The following PRKCE variants were observed in gnomAD, a reference collection of about 807,000 sequenced individuals.
PRKCE encodes protein kinase C epsilon type.
PRKCE carries 16 observed loss-of-function variants against 85.4 expected under a neutral mutation model. The observed-to-expected ratio is 0.19, with a 90% CI of 0.13 to 0.28. The LOEUF (loss-of-function observed/expected upper bound fraction) is 0.28. Ranked by LOEUF, PRKCE falls within the 10% of genes least tolerant of loss-of-function variation. The pLI is 1.00. For missense variants in PRKCE, 573 were observed against 975.2 expected, an observed-to-expected ratio of 0.59 and a Z score of 5.49; for synonymous variants, 388 against 371.5, an observed-to-expected ratio of 1.04 and a Z score of -0.51.
At chr2:46,016,432 C>A (rs1706153628) in intron 10 of PRKCE, among the ~76,000 whole-genome samples, 1 of 152,110 alleles carries the variant, frequency 6.6e-6, no homozygotes. Flanking sequence ...CAACTTCACC[C>A]AGGTCTTGAA....
At chr2:46,051,211 A>G (rs1022955801) in intron 10 of PRKCE, among the ~76,000 whole-genome samples, 3 of 152,164 alleles carry the variant, frequency 2.0e-5, no homozygotes, top group Non-Finnish European at 4.4e-5. Flanking sequence ...CTTTCAGCTC[A>G]TGTTATTTAA....
chr2:45,868,847 A>G (rs1693841225), intron 2 of PRKCE, among the ~76,000 whole-genome samples: 1 of 151,578 alleles, frequency 6.6e-6, no homozygotes, highest in Admixed American at 6.6e-5. Flanking sequence ...AATCCCAGCT[A>G]CTTGGGAGGC....
At chr2:45,761,563 C>T (rs1308616152) in intron 1 of PRKCE, among the ~76,000 whole-genome samples, 4 of 152,060 alleles carry the variant, frequency 2.6e-5, no homozygotes, top group Non-Finnish European at 4.4e-5. Context: ...TTCTCTCAAG[C>T]CCCCAGCCTG....
chr2:45,667,340 G>A (rs1050427077), intron 1 of PRKCE, among the ~76,000 whole-genome samples: 2 of 152,060 alleles, frequency 1.3e-5, no homozygotes, highest in Admixed American at 6.5e-5. Context: ...TCGAGATGGA[G>A]TCTCACTGTG....
chr2:45,674,285 T>C (rs1293719039), intron 1 of PRKCE, among the ~76,000 whole-genome samples: 1 of 152,196 alleles, frequency 6.6e-6, no homozygotes, highest in Non-Finnish European at 1.5e-5. Flanking sequence ...CTGAGGTAGA[T>C]GGCCGTAATG....
intron 2 of PRKCE, among the ~76,000 whole-genome samples, chr2:45,945,849 C>T (rs530524342): frequency 6.6e-6 from 1 of 152,336 alleles, no homozygotes; most frequent in African/African-American, 2.4e-5. Context: ...GGTGGAATGT[C>T]CTGTACTGAT....
chr2:46,023,320 G>A (rs957476063), intron 10 of PRKCE, among the ~76,000 whole-genome samples: 3 of 152,104 alleles, frequency 2.0e-5, no homozygotes, highest in Non-Finnish European at 2.9e-5. Flanking sequence ...CTGGGCACAC[G>A]TTGCCTGTAA....
At chr2:45,848,349 C>T (rs4952783) in intron 2 of PRKCE, among the ~76,000 whole-genome samples, 4,980 of 151,682 alleles carry the variant, frequency 0.033, 226 homozygotes, top group East Asian at 0.14. Context: ...CTTGCTCTGT[C>T]GCCCAGGCTG....
intron 10 of PRKCE, among the ~76,000 whole-genome samples, chr2:46,017,795 G>C (rs895601847): frequency 2.6e-5 from 4 of 152,170 alleles, no homozygotes; most frequent in Non-Finnish European, 4.4e-5. Context: ...CATTTCCCTA[G>C]TGATTTGTGG....
chr2:45,676,919 T>G (rs574820256), intron 1 of PRKCE: 1 of 152,242 alleles, frequency 6.6e-6, no homozygotes, highest in African/African-American at 2.4e-5. Context: ...GGGCTCATGC[T>G]CCAATTGGGG....
chr2:45,657,840 T>C (rs889965438), intron 1 of PRKCE, among the ~76,000 whole-genome samples: 10 of 152,316 alleles, frequency 6.6e-5, no homozygotes, highest in Middle Eastern at 6.8e-3. Context: ...CGTTCTCCCT[T>C]GGCCCACCAG....
In PRKCE at chr2:45,756,986, C is replaced by T. The variant is rs187928712; in HGVS notation, c.349-86014C>T. Among the ~76,000 whole-genome samples, 18 of 152,276 alleles carry T rather than the reference C, an allele frequency of 1.2e-4. No homozygotes were observed. In the East Asian group the frequency reaches 2.7e-3, roughly 23 times the overall value. On this transcript the variant is annotated intron_variant, in intron 1 of 14. Coordinates refer to ENST00000306156, the MANE Select transcript of PRKCE (RefSeq NM_005400.3). The stretch of plus-strand genomic sequence containing the variant: ...GAGTGTTCAGCTGGGCGTGGTGGCT[C>T]ATGCCTCTAATCCCAGCACTTTGGG...
At chr2:45,865,819 T>TTC (rs1558768903) in intron 2 of PRKCE, among the ~76,000 whole-genome samples, 1 of 145,136 alleles carries the variant, frequency 6.9e-6, no homozygotes, top group African/African-American at 2.6e-5. Flanking sequence ...CTTCTTCTTT[T>TTC]TTTTTTTTTT....
At chr2:45,894,770 T>C (rs181398930) in intron 2 of PRKCE, among the ~76,000 whole-genome samples, 1 of 152,338 alleles carries the variant, frequency 6.6e-6, no homozygotes, top group African/African-American at 2.4e-5. Context: ...TCGCCCAGGC[T>C]GGAGTGCAAT....
chr2:45,691,681 C>T (rs10174492), intron 1 of PRKCE, among the ~76,000 whole-genome samples: 1,943 of 152,302 alleles, frequency 0.013, 39 homozygotes, highest in African/African-American at 0.045. Context: ...TCCCTCCCCA[C>T]GCCCCCTTTA....
rs79128791 is a variant in PRKCE at position 45,717,324 on chromosome 2, C to A, written c.348+64876C>A. On this transcript the variant is annotated intron_variant, in intron 1 of 14. Transcript: ENST00000306156. ...TTAAAGAGCAGCACTTAGATAACAA[C>A]TGGTTTGTTCTCTCTGTCTGTCTTC... Among the ~76,000 whole-genome samples the A allele has an allele frequency of 3.7e-3, 562 of 152,366 alleles. 3 individuals are homozygous for A. The highest frequency in any genetic ancestry group is 0.013 in the African/African-American group (533 of 41,594).
At chr2:46,072,723 C>T (rs1412271002) in intron 10 of PRKCE, among the ~76,000 whole-genome samples, 3 of 152,174 alleles carry the variant, frequency 2.0e-5, no homozygotes, top group African/African-American at 2.4e-5. Context: ...TGGTCAGATA[C>T]AGGAGACATG....
chr2:45,998,539 T>C (rs1704403541), intron 6 of PRKCE, among the ~76,000 whole-genome samples: 1 of 152,220 alleles, frequency 6.6e-6, no homozygotes, highest in Non-Finnish European at 1.5e-5. Flanking sequence ...AATCTGTATG[T>C]GTCTTTAAGG....
chr2:45,685,174 T>A (rs1191513008), intron 1 of PRKCE, among the ~76,000 whole-genome samples: 1 of 152,156 alleles, frequency 6.6e-6, no homozygotes, highest in African/African-American at 2.4e-5. Context: ...TCTATCTGCA[T>A]GGAAAAGTAA....
Sources: allele counts gnomAD v4.1 joint callset (sites outside exome capture counted in the v4.1 genomes callset), GRCh38; gene constraint gnomAD v4.1.1; transcripts MANE v1.5; gene names NCBI Gene and HGNC (gene_info 2026-07-23, HGNC 2026-07-21).